FAM9A: variants seen among roughly 807,000 people sequenced by gnomAD.
FAM9A encodes family with sequence similarity 9 member A.
In FAM9A, 49 loss-of-function variants were observed where a neutral mutation model predicts 25.0. That is an observed-to-expected ratio of 1.96 (90% CI 1.56 to 2.48). The LOEUF (loss-of-function observed/expected upper bound fraction) is 2.48. Among genes scored for constraint, FAM9A ranks in the 30% most tolerant of loss-of-function variants. FAM9A has a pLI of 0.00. For synonymous variants in FAM9A, 80 were observed against 85.1 expected (o/e 0.94, Z 0.33); for missense variants, 266 against 249.3 (o/e 1.07, Z -0.45).
intron 8 of FAM9A, among the ~76,000 whole-genome samples, chrX:8,793,326 A>C (rs113212859): frequency 0.02 from 2,289 of 112,185 alleles, 59 homozygotes; most frequent in African/African-American, 0.071. Context: ...TCAAGAACAT[A>C]GCCAAGGTCT....
Position 8,798,493 on chromosome X carries a change from T to C in FAM9A, c.221-14A>G, listed in dbSNP as rs1007805864. 8.3e-7 allele frequency: 1 copy of C among 1,204,079 alleles called. No homozygotes were observed. Among genetic ancestry groups the C allele is most frequent in the Non-Finnish European group, 1.1e-6 (1 of 893,308 alleles). ...CTGGATCCTTTCCTGCATTAAAATG[T>C]AAAAGACAAACCATTTTTAGAGGAA... On this transcript the variant is annotated splice_polypyrimidine_tract_variant and intron_variant, in intron 3 of 9. Coordinates refer to ENST00000381003, the MANE Select transcript of FAM9A (RefSeq NM_174951.3).
rs763808512 is a variant in FAM9A, at chrX:8,791,279, C to T, written c.*31+1G>A. 1.2e-5 allele frequency: 14 copies of T among 1,141,160 alleles called. No homozygotes were observed. Among genetic ancestry groups the T allele is most frequent in the East Asian group, 3.0e-5 (1 of 33,229 alleles). The allele number at this position is 1,141,160 out of a possible 1,213,427, so 94.0% of individuals were successfully genotyped here. A position where few individuals can be genotyped will look rare whatever the true frequency, so the allele number is the denominator to read the frequency against. On this transcript the variant is annotated splice_donor_variant, in intron 9 of 9. Coordinates refer to ENST00000381003, the MANE Select transcript of FAM9A (RefSeq NM_174951.3). LOFTEE classifies it low-confidence loss of function (3UTR_SPLICE). The stretch of plus-strand genomic sequence containing the variant: ...TTTAAACTTAAATATGCACTACTTA[C>T]AGTTCTGACACGATTCTTTTTAAAA...
Position 8,795,227 on chromosome X carries a change from CCTT to C in FAM9A, c.679_681del (p.Lys227del), listed in dbSNP as rs748751406. On this transcript the variant is annotated inframe_deletion, in exon 7 of 10. Coordinates refer to ENST00000381003, the MANE Select transcript of FAM9A (RefSeq NM_174951.3). Reference sequence around the variant, plus strand: ...TCCTCTTCTTTCTCCTCCTCCTCCTCCTTCTCTTCCTCCTCTTCGTCTTCTACT... The same window carrying C: ...TCCTCTTCTTTCTCCTCCTCCTCCTCCTCTTCCTCCTCTTCGTCTTCTACT... The C allele has an allele frequency of 2.7e-6, 3 of 1,107,334 alleles. No individual in the cohort carries two copies. The highest frequency in any genetic ancestry group is 3.9e-5 in the South Asian group (2 of 51,897). The allele number at this position is 1,107,334 out of a possible 1,213,427, so 91.3% of individuals were successfully genotyped here. A position where few individuals can be genotyped will look rare whatever the true frequency, so the allele number is the denominator to read the frequency against.
rs1174200986 is a variant in FAM9A, at chrX:8,790,822, T to C, written c.*382A>G. 8.9e-6 allele frequency: 1 copy of C among 112,538 alleles called. No homozygotes were observed. Among genetic ancestry groups the C allele is most frequent in the Non-Finnish European group, 1.9e-5 (1 of 53,481 alleles). The allele number at this position is 112,538 out of a possible 1,213,427, so 9.3% of individuals were successfully genotyped here. A position where few individuals can be genotyped will look rare whatever the true frequency, so the allele number is the denominator to read the frequency against. The stretch of plus-strand genomic sequence containing the variant: ...TATTAGAGAAAAATGTACTTTTCTA[T>C]GCCCGTGCTTTCTACGTTTTTGAAA... On this transcript the variant is annotated 3_prime_UTR_variant, in exon 10 of 10. Transcript: ENST00000381003.
intron 7 of FAM9A, 97 bp from the exon 8 acceptor site, chrX:8,793,853 A>G (rs948845551): frequency 2.7e-5 from 15 of 558,413 alleles, no homozygotes; most frequent in Admixed American, 1.0e-4. Flanking sequence ...CTTTAAATCT[A>G]TACTTCTTAA....
rs913986395 is a variant in FAM9A at position 8,798,146 on chromosome X, A to G, written c.373+4T>C. ...AAAGACTACGAATAGCTCCTAAAAC[A>G]TACCTGCAATATGTTCTAGCTTCAT... is the stretch of plus-strand genomic sequence containing the variant. On this transcript the variant is annotated splice_donor_region_variant and intron_variant, in intron 5 of 9. Coordinates refer to ENST00000381003, the MANE Select transcript of FAM9A (RefSeq NM_174951.3). 1.7e-6 allele frequency: 2 copies of G among 1,202,566 alleles called. No individual in the cohort carries two copies. The highest frequency in any genetic ancestry group is 2.2e-6 in the Non-Finnish European group (2 of 890,272).
chrX:8,798,564 A>G (rs1353422167), intron 3 of FAM9A, 85 bp from the exon 4 acceptor site: 2 of 1,158,110 alleles, frequency 1.7e-6, no homozygotes, highest in Non-Finnish European at 2.3e-6. Flanking sequence ...TTATTTGTGG[A>G]CTTTTTTGGC....
At position 8,795,265 on chromosome X, in the gene FAM9A, TCTGCTGCTGCTGCTGCGGCTTCTGCTG is replaced by T. The variant is rs957543283; in HGVS notation, c.617_643del (p.Ala206_Ala214del). Reference sequence around the variant, plus strand: ...CTCTTCGTCTTCTACTACTATTACTTCTGCTGCTGCTGCTGCGGCTTCTGCTGCTGCTGCGGCTTCTGCTGCTGCTGC... The same window carrying T: ...CTCTTCGTCTTCTACTACTATTACTTCTGCTGCGGCTTCTGCTGCTGCTGC... On this transcript the variant is annotated inframe_deletion, in exon 7 of 10. Transcript: ENST00000381003. The T allele has an allele frequency of 3.4e-6, 4 of 1,184,318 alleles. No individual in the cohort carries two copies. The highest frequency in any genetic ancestry group is 4.5e-5 in the Admixed American group (2 of 44,085).
chrX:8,795,225 C>G lies in FAM9A; in HGVS notation c.684G>C (p.Glu228Asp). 1 of 1,116,213 alleles carries G rather than the reference C, an allele frequency of 9.0e-7. No homozygotes were observed. The highest frequency in any genetic ancestry group is 1.2e-6 in the Non-Finnish European group (1 of 828,394). 92.0% of individuals were successfully genotyped at this position (1,116,213 alleles called of 1,213,427 possible). Residue 228 changes from glutamate to aspartate, a missense_variant, in exon 7 of 10, where the codon GAG becomes GAC. Glu to Asp is a conservative substitution (Grantham distance 45). Coordinates refer to ENST00000381003, the MANE Select transcript of FAM9A (RefSeq NM_174951.3). ...VVEDEEEEEK[E>D]EEEEKEEEEE... ...CCTCCTCTTCTTTCTCCTCCTCCTC[C>G]TCCTTCTCTTCCTCCTCTTCGTCTT...
At chrX:8,798,501 A>T in intron 3 of FAM9A, 22 bp from the exon 4 acceptor site, 1 of 1,201,158 alleles carries the variant, frequency 8.3e-7, no homozygotes, top group Non-Finnish European at 1.1e-6. Flanking sequence ...TGTAAAAGAC[A>T]AACCATTTTT....
chrX:8,791,474 T>C (rs1933470923), intron 8 of FAM9A, 95 bp from the exon 9 acceptor site: 1 of 605,431 alleles, frequency 1.7e-6, no homozygotes, highest in African/African-American at 2.3e-5. Context: ...CAGCTTTTAA[T>C]ATTCAAAGGA....
chrX:8,797,585 T>C lies in FAM9A; in HGVS notation c.373+565A>G, dbSNP rs1163162732. 2.7e-5 allele frequency among the ~76,000 whole-genome samples: 3 copies of C among 111,375 alleles called. No individual in the cohort carries two copies. The Admixed American group carries it at 2.9e-4, about 11-fold the overall frequency. Reference sequence around the variant, plus strand: ...GAACATAAAAACTCATATTAAAAACTCTTGAGTACATACGGACAGGAAGAG... The same window carrying C: ...GAACATAAAAACTCATATTAAAAACCCTTGAGTACATACGGACAGGAAGAG... On this transcript the variant is annotated intron_variant, in intron 5 of 9. Coordinates refer to ENST00000381003, the MANE Select transcript of FAM9A (RefSeq NM_174951.3).
intron 7 of FAM9A, among the ~76,000 whole-genome samples, chrX:8,794,521 G>A (rs944977669): frequency 1.8e-5 from 2 of 111,551 alleles, no homozygotes; most frequent in African/African-American, 6.5e-5. Context: ...ATTACAAGCA[G>A]TGGGGCTGCA....
At chrX:8,800,292 A>G in intron 1 of FAM9A, 83 bp from the exon 2 acceptor site, 1 of 966,565 alleles carries the variant, frequency 1.0e-6, no homozygotes, top group South Asian at 2.3e-5. Flanking sequence ...GGATTCAAGA[A>G]AGGGTGGGGC....
Position 8,795,307 on chromosome X carries a change from G to T in FAM9A, c.602C>A (p.Ala201Glu), listed in dbSNP as rs768398081. Residue 201 changes from alanine to glutamate, a missense_variant, in exon 7 of 10, where the codon GCA (alanine) becomes GAA (glutamate). Physicochemically the swap from Ala to Glu is moderately radical, Grantham distance 107 (BLOSUM62 -1). Transcript: ENST00000381003. The stretch of plus-strand genomic sequence containing the variant: ...GGCTTCTGCTGCTGCTGCGGCTTCT[G>T]CTGCTGCTGCTGCGGCTTCTGCTTC... ...AEEAEAAAAA[A>E]EAAAAAEAAA... 1.7e-6 allele frequency: 2 copies of T among 1,168,953 alleles called. No homozygotes were observed. Among genetic ancestry groups the T allele is most frequent in the East Asian group, 6.0e-5 (2 of 33,067 alleles).
At chrX:8,799,909 C>T (rs1162156932) in intron 2 of FAM9A, among the ~76,000 whole-genome samples, 172 bp downstream of exon 2, 2 of 89,753 alleles carry the variant, frequency 2.2e-5, no homozygotes, top group Non-Finnish European at 4.4e-5. Context: ...CTCAGGGCCT[C>T]GCCCTGACCC....
chrX:8,801,275 G>A (rs1319530965), intron 1 of FAM9A, 36 bp downstream of exon 1: 1 of 109,657 alleles, frequency 9.1e-6, no homozygotes, highest in East Asian at 2.9e-4. Flanking sequence ...AGGGCCGCAT[G>A]CTCGACTTCC....
chrX:8,797,604 G>A (rs1184986892), intron 5 of FAM9A, among the ~76,000 whole-genome samples: 1 of 111,401 alleles, frequency 9.0e-6, no homozygotes, highest in African/African-American at 3.3e-5. Context: ...CATACGGACA[G>A]GAAGAGGGGA....
chrX:8,793,666 AT>A lies in FAM9A; in HGVS notation c.921del (p.Gln307HisfsTer3). On this transcript the variant is annotated frameshift_variant, in exon 8 of 10. Coordinates refer to ENST00000381003, the MANE Select transcript of FAM9A (RefSeq NM_174951.3). LOFTEE classifies it high-confidence loss of function. ...TACCAAATAGAACAGACCTTTAGTA[AT>A]TGCTCAAGTAGCGGCTTCATCTCTC... is the stretch of plus-strand genomic sequence containing the variant. ...RLREMKPLLE[Q>X]LLKAAKDTKD... The A allele has an allele frequency of 8.3e-7, 1 of 1,207,464 alleles. No homozygotes were observed. The highest frequency in any genetic ancestry group is 1.1e-6 in the Non-Finnish European group (1 of 891,823).
Sources: allele counts gnomAD v4.1 joint callset (sites outside exome capture counted in the v4.1 genomes callset), GRCh38; gene constraint gnomAD v4.1.1; transcripts MANE v1.5; gene names NCBI Gene and HGNC (gene_info 2026-07-23, HGNC 2026-07-21).